EXOC6: variants seen among roughly 807,000 people sequenced by gnomAD.
EXOC6 encodes the protein SEC15-like 1.
EXOC6 carries 60 observed loss-of-function variants against 112.5 expected under a neutral mutation model. The ratio of observed to expected loss-of-function variants is 0.53; its 90% CI spans 0.43 to 0.66. EXOC6 has a LOEUF of 0.66. Among genes scored for constraint, EXOC6 ranks in the 30% least tolerant of loss-of-function variants. The pLI, the probability that EXOC6 is intolerant of heterozygous loss-of-function variation, is 0.00. For missense variants in EXOC6, 855 were observed against 957.1 expected, an observed-to-expected ratio of 0.89 and a Z score of 1.41; for synonymous variants, 295 against 308.0, an observed-to-expected ratio of 0.96 and a Z score of 0.44.
intron 1 of EXOC6, among the ~76,000 whole-genome samples, chr10:92,887,507 C>T (rs1312587134): frequency 6.8e-6 from 1 of 147,528 alleles, no homozygotes; most frequent in Non-Finnish European, 1.5e-5. Context: ...AAGCAGTTCT[C>T]TCCTGCCTCA....
chr10:93,010,804 A>G (rs1466668969), intron 19 of EXOC6, among the ~76,000 whole-genome samples: 1 of 151,652 alleles, frequency 6.6e-6, no homozygotes, highest in Non-Finnish European at 1.5e-5. Context: ...GCAAGATTTT[A>G]TGATCCATCA....
chr10:93,049,110 T>A (rs1453488690), intron 20 of EXOC6, among the ~76,000 whole-genome samples: 1 of 151,604 alleles, frequency 6.6e-6, no homozygotes, highest in South Asian at 2.1e-4. Context: ...CAGGCTGGAG[T>A]GCAGTGGTGC....
chr10:92,863,925 A>C (rs527906253), intron 1 of EXOC6, among the ~76,000 whole-genome samples: 3 of 151,538 alleles, frequency 2.0e-5, no homozygotes, highest in South Asian at 4.2e-4. Flanking sequence ...AAAAAAAAAA[A>C]AACAAAACAA....
chr10:93,051,040 G>GT (rs1436598398), intron 20 of EXOC6, among the ~76,000 whole-genome samples: 1 of 152,050 alleles, frequency 6.6e-6, no homozygotes, highest in East Asian at 1.9e-4. Flanking sequence ...TCACATGTAT[G>GT]TATCTATATG....
chr10:93,057,193 G>A (rs1209111362), intron 21 of EXOC6, among the ~76,000 whole-genome samples, 157 bp downstream of exon 21: 5 of 152,022 alleles, frequency 3.3e-5, no homozygotes, highest in Non-Finnish European at 5.9e-5. Context: ...TTTCTTTCTT[G>A]CCCTTCAGAG....
chr10:92,964,253 T>C (rs763159507), intron 17 of EXOC6, among the ~76,000 whole-genome samples: 3 of 151,634 alleles, frequency 2.0e-5, no homozygotes, highest in Admixed American at 6.6e-5. Flanking sequence ...TTTTAAAAAA[T>C]TATAATTTAT....
chr10:92,948,527 T>G (rs1306778849), intron 14 of EXOC6, 148 bp downstream of exon 14: 1 of 553,758 alleles, frequency 1.8e-6, no homozygotes, highest in African/African-American at 2.0e-5. Context: ...ACTAACTATG[T>G]TCTGTGAAGT....
intron 9 of EXOC6, among the ~76,000 whole-genome samples, chr10:92,929,947 A>G (rs1851936284): frequency 2.0e-5 from 3 of 152,222 alleles, no homozygotes; most frequent in Admixed American, 2.0e-4. Flanking sequence ...GACAGATGAG[A>G]AATAGAAATC....
chr10:93,027,152 A>G (rs1184031586), intron 20 of EXOC6, among the ~76,000 whole-genome samples: 4 of 152,242 alleles, frequency 2.6e-5, no homozygotes, highest in Non-Finnish European at 4.4e-5. Context: ...CAGCCACAGC[A>G]TTCCCTTGAG....
At chr10:93,017,900 C>T (rs1427957750) in intron 20 of EXOC6, among the ~76,000 whole-genome samples, 3 of 151,496 alleles carry the variant, frequency 2.0e-5, no homozygotes, top group African/African-American at 7.3e-5. Flanking sequence ...ATCCCAGTTA[C>T]TCAGGAGTCT....
At chr10:92,853,429 G>A (rs1042478388) in intron 1 of EXOC6, among the ~76,000 whole-genome samples, 1 of 152,178 alleles carries the variant, frequency 6.6e-6, no homozygotes, top group Admixed American at 6.5e-5. Context: ...AAAGGACCTA[G>A]ATTAGCCAAA....
chr10:92,965,080 C>T (rs1405881163), intron 17 of EXOC6, among the ~76,000 whole-genome samples: 3 of 152,092 alleles, frequency 2.0e-5, no homozygotes, highest in East Asian at 1.9e-4. Flanking sequence ...TTCAGTCTTA[C>T]CCAAATGAGA....
chr10:92,998,912 C>T (rs1843620864), intron 19 of EXOC6, among the ~76,000 whole-genome samples: 1 of 152,128 alleles, frequency 6.6e-6, no homozygotes, highest in Non-Finnish European at 1.5e-5. Context: ...CACTCTGTCA[C>T]CCAGGCTGGA....
At chr10:93,016,837 C>A (rs59539045) in intron 20 of EXOC6, among the ~76,000 whole-genome samples, 19,418 of 148,420 alleles carry the variant, frequency 0.13, 1,406 homozygotes, top group African/African-American at 0.18. Flanking sequence ...TTTGAGATGG[C>A]GTCTCGCTCT....
chr10:92,998,799 C>A (rs546644969), intron 19 of EXOC6, among the ~76,000 whole-genome samples: 126 of 152,128 alleles, frequency 8.3e-4, no homozygotes, highest in Non-Finnish European at 1.1e-3. Flanking sequence ...TTTTAATTTT[C>A]TCTAATTAGA....
intron 17 of EXOC6, among the ~76,000 whole-genome samples, chr10:92,967,183 A>G (rs1221427083): frequency 7.2e-6 from 1 of 138,986 alleles, no homozygotes; most frequent in Non-Finnish European, 1.6e-5. Context: ...TAGATTCTGG[A>G]TATTAGCCCT....
chr10:92,914,816 A>C (rs1011874245), intron 6 of EXOC6, among the ~76,000 whole-genome samples: 1 of 152,228 alleles, frequency 6.6e-6, no homozygotes, highest in Non-Finnish European at 1.5e-5. Context: ...TCTATGTGCT[A>C]ACAGAACAAA....
chr10:92,945,425 TA>T (rs1852937206), intron 13 of EXOC6, among the ~76,000 whole-genome samples: 1 of 152,222 alleles, frequency 6.6e-6, no homozygotes, highest in Non-Finnish European at 1.5e-5. Flanking sequence ...TTTGGGGTTA[TA>T]TTTTTAAAAA....
At chr10:92,839,134 G>T (rs1335974402) in intron 1 of EXOC6, among the ~76,000 whole-genome samples, 1 of 151,786 alleles carries the variant, frequency 6.6e-6, no homozygotes, top group Non-Finnish European at 1.5e-5. Flanking sequence ...GGCAGGTAAA[G>T]TCTGCAACTA....
Sources: gnomAD v4.1 joint callset for allele counts (sites outside exome capture counted in the v4.1 genomes callset) on GRCh38, gnomAD v4.1.1 for gene constraint, MANE v1.5 for transcripts, NCBI Gene and HGNC (gene_info 2026-07-23, HGNC 2026-07-21) for gene names.